UBE4B: variants seen among roughly 807,000 people sequenced by gnomAD.
The protein encoded by UBE4B is ubiquitin conjugation factor E4 B.
Under a neutral mutation model 148.1 loss-of-function variants are expected in UBE4B, and 27 were observed. That is an observed-to-expected ratio of 0.18 (90% CI 0.13 to 0.25). The LOEUF (loss-of-function observed/expected upper bound fraction) is 0.25. Among genes scored for constraint, UBE4B ranks in the 10% least tolerant of loss-of-function variants. The probability of loss-of-function intolerance (pLI) is 1.00; values close to 1 mark genes in which losing one functional copy is unlikely to be tolerated. For missense variants in UBE4B, 1,170 were observed against 1,662.4 expected, an observed-to-expected ratio of 0.70 and a Z score of 5.15; for synonymous variants, 596 against 619.3, an observed-to-expected ratio of 0.96 and a Z score of 0.56.
chr1:10,167,697 G>A (rs2102024335), intron 23 of UBE4B, among the ~76,000 whole-genome samples: 1 of 149,466 alleles, frequency 6.7e-6, no homozygotes, highest in Admixed American at 6.7e-5. Flanking sequence ...GGTTCAAGCA[G>A]TTCTCCTGCC....
intron 23 of UBE4B, among the ~76,000 whole-genome samples, chr1:10,162,325 C>T (rs1409662056): frequency 2.0e-5 from 3 of 152,186 alleles, no homozygotes; most frequent in Non-Finnish European, 2.9e-5. Context: ...AGGCACCTGC[C>T]ACTACGCCTG....
At chr1:10,134,223 T>A (rs1219580718) in intron 15 of UBE4B, among the ~76,000 whole-genome samples, 1 of 151,886 alleles carries the variant, frequency 6.6e-6, no homozygotes, top group Non-Finnish European at 1.5e-5. Context: ...AAAGAATGTA[T>A]AAAATGGCCA....
At chr1:10,175,541 C>T (rs1035245530) in intron 25 of UBE4B, among the ~76,000 whole-genome samples, 3 of 151,952 alleles carry the variant, frequency 2.0e-5, no homozygotes, top group Non-Finnish European at 4.4e-5. Flanking sequence ...GACCCAGCTA[C>T]TCGGGAGGCT....
chr1:10,064,455 G>A (rs1369981627), intron 1 of UBE4B, among the ~76,000 whole-genome samples: 2 of 152,162 alleles, frequency 1.3e-5, no homozygotes, highest in Non-Finnish European at 1.5e-5. Flanking sequence ...TTGAGCTTAA[G>A]CCAAAAATGG....
chr1:10,156,764 A>G (rs1381590091), intron 21 of UBE4B, among the ~76,000 whole-genome samples: 2 of 152,222 alleles, frequency 1.3e-5, no homozygotes, highest in African/African-American at 4.8e-5. Context: ...ATGAATATAC[A>G]TAAGTACTTT....
intron 25 of UBE4B, among the ~76,000 whole-genome samples, chr1:10,173,374 C>T (rs926529564): frequency 7.3e-5 from 11 of 151,010 alleles, no homozygotes; most frequent in African/African-American, 1.9e-4. Flanking sequence ...CCCAGCTACT[C>T]GGGAGGCTGA....
At chr1:10,049,163 T>C (rs147948862) in intron 1 of UBE4B, among the ~76,000 whole-genome samples, 2,628 of 152,294 alleles carry the variant, frequency 0.017, 33 homozygotes, top group Non-Finnish European at 0.027. Context: ...TTGAATATTA[T>C]TTAATTTGTT....
chr1:10,173,723 G>A (rs1646372517), intron 25 of UBE4B, among the ~76,000 whole-genome samples: 1 of 152,140 alleles, frequency 6.6e-6, no homozygotes, highest in Non-Finnish European at 1.5e-5. Context: ...TTGCCGTAGA[G>A]AGACTTGGAA....
intron 15 of UBE4B, among the ~76,000 whole-genome samples, chr1:10,132,923 G>A (rs1367435627): frequency 6.6e-6 from 1 of 152,202 alleles, no homozygotes; most frequent in Non-Finnish European, 1.5e-5. Flanking sequence ...GAGTGAACAG[G>A]AGGGAATGTC....
At chr1:10,115,564 G>A (rs534572877) in intron 7 of UBE4B, among the ~76,000 whole-genome samples, 11 of 152,234 alleles carry the variant, frequency 7.2e-5, no homozygotes, top group South Asian at 2.1e-4. Flanking sequence ...GAGCCACCGC[G>A]TTTGGCCAAT....
intron 7 of UBE4B, among the ~76,000 whole-genome samples, chr1:10,111,235 T>TAC (rs1645215466): frequency 6.6e-6 from 1 of 151,196 alleles, no homozygotes; most frequent in Non-Finnish European, 1.5e-5. Context: ...CACCACGCGC[T>TAC]ACACACACAC....
At chr1:10,175,544 G>C (rs372328995) in intron 25 of UBE4B, among the ~76,000 whole-genome samples, 9 of 152,046 alleles carry the variant, frequency 5.9e-5, no homozygotes, top group South Asian at 2.1e-4. Context: ...CCAGCTACTC[G>C]GGAGGCTGAG....
At chr1:10,125,133 GAAA>G (rs1436367909) in intron 10 of UBE4B, among the ~76,000 whole-genome samples, 1 of 149,668 alleles carries the variant, frequency 6.7e-6, no homozygotes, top group Admixed American at 6.6e-5. Context: ...CTGGAAAAAA[GAAA>G]AAGAAAAAGA....
chr1:10,153,518 AG>A (rs1035676165), intron 21 of UBE4B, among the ~76,000 whole-genome samples: 7 of 145,172 alleles, frequency 4.8e-5, no homozygotes, highest in African/African-American at 1.2e-4. Flanking sequence ...AAAAAAAAAA[AG>A]GGTAAAAAGA....
intron 1 of UBE4B, among the ~76,000 whole-genome samples, chr1:10,035,598 G>A (rs1234360360): frequency 6.7e-6 from 1 of 148,526 alleles, no homozygotes; most frequent in African/African-American, 2.5e-5. Context: ...AGTAGAGACG[G>A]GGTTTCACTG....
At chr1:10,097,120 G>T (rs1644942379) in intron 3 of UBE4B, among the ~76,000 whole-genome samples, 1 of 151,826 alleles carries the variant, frequency 6.6e-6, no homozygotes, top group Non-Finnish European at 1.5e-5. Context: ...TTGAGAACTT[G>T]CTGTAAGAGT....
At position 10,086,850 on chromosome 1, in the gene UBE4B, C is replaced by T. The variant is rs188350800; in HGVS notation, c.212-8611C>T. 4.6e-5 allele frequency among the ~76,000 whole-genome samples: 7 copies of T among 152,136 alleles called. No homozygotes were observed. In the East Asian group the frequency reaches 5.8e-4, roughly 13 times the overall value. On this transcript the variant is annotated intron_variant, in intron 2 of 27. Coordinates refer to ENST00000343090, the MANE Select transcript of UBE4B (RefSeq NM_001105562.3). ...GACTATAGGCATGTGCCACCACGCC[C>T]GGCTAATTTTTGTAATTTTAGTAGA...
At chr1:10,078,658 G>A (rs1463070982) in intron 2 of UBE4B, among the ~76,000 whole-genome samples, 2 of 152,020 alleles carry the variant, frequency 1.3e-5, no homozygotes, top group Non-Finnish European at 2.9e-5. Flanking sequence ...TATATCCAAC[G>A]AAGGCCTTAA....
intron 25 of UBE4B, among the ~76,000 whole-genome samples, chr1:10,178,087 T>C (rs1032722277): frequency 6.6e-6 from 1 of 152,094 alleles, no homozygotes; most frequent in African/African-American, 2.4e-5. Context: ...CTAACGTCCA[T>C]GGAGCCCCTG....
Sources: allele counts gnomAD v4.1 joint callset (sites outside exome capture counted in the v4.1 genomes callset), GRCh38; gene constraint gnomAD v4.1.1; transcripts MANE v1.5; gene names NCBI Gene and HGNC (gene_info 2026-07-23, HGNC 2026-07-21).